DHX37: variants seen among roughly 807,000 people sequenced by gnomAD.
The protein encoded by DHX37 is DEAH-box helicase 37.
DHX37 carries 52 observed loss-of-function variants against 134.3 expected under a neutral mutation model. The ratio of observed to expected loss-of-function variants is 0.39; its 90% CI spans 0.31 to 0.49. The LOEUF is 0.49. DHX37 is among the 20% of genes least tolerant of loss of function. The probability of loss-of-function intolerance (pLI) is 0.93; values close to 1 mark genes in which losing one functional copy is unlikely to be tolerated. For missense variants in DHX37, 1,344 were observed against 1,580.8 expected (o/e 0.85, Z 2.54); for synonymous variants, 634 against 670.7 (o/e 0.95, Z 0.85).
chr12:124,980,951 C>G lies in DHX37; in HGVS notation c.390-113G>C, dbSNP rs1013115535. On this transcript the variant is annotated intron_variant, in intron 3 of 26. Coordinates refer to ENST00000308736, the MANE Select transcript of DHX37 (RefSeq NM_032656.4). The surrounding 1 kb of genome is among the most constrained non-coding windows in gnomAD (Gnocchi z 5.3). ...GGGACTTTGCACCTGCTGTTCCACT[C>G]CCTGAAATGCCCTTCCTGCAGATAC... 2.6e-6 allele frequency: 3 copies of G among 1,151,662 alleles called. No homozygotes were observed. In the African/African-American group the frequency reaches 4.7e-5, roughly 18 times the overall value. The allele number at this position is 1,151,662 out of a possible 1,614,324, so 71.3% of individuals were successfully genotyped here.
At chr12:124,953,702 A>T in intron 20 of DHX37, 178 bp downstream of exon 20, 1 of 1,125,068 alleles carries the variant, frequency 8.9e-7, no homozygotes, top group Non-Finnish European at 1.2e-6. Context: ...TGCCCTGCTC[A>T]TGTGCACATT....
At chr12:124,963,174 G>A (rs1041467487) in intron 15 of DHX37, among the ~76,000 whole-genome samples, 36 of 152,230 alleles carry the variant, frequency 2.4e-4, no homozygotes, top group Non-Finnish European at 1.0e-4. Flanking sequence ...GCCACGGCCA[G>A]GAACGGGGTG....
chr12:124,971,099 G>A (rs1412676759), intron 8 of DHX37, among the ~76,000 whole-genome samples: 1 of 152,226 alleles, frequency 6.6e-6, no homozygotes, highest in Non-Finnish European at 1.5e-5. Context: ...GCGGTGGGGA[G>A]GGGATCACAC....
intron 1 of DHX37, 129 bp downstream of exon 1, chr12:124,988,788 G>C (rs1362184787): frequency 2.2e-6 from 1 of 454,856 alleles, no homozygotes. Context: ...CTGGAATGGG[G>C]GGACCCATTC....
rs1170858235 is a variant in DHX37 at position 124,982,512 on chromosome 12, C to G, written c.388G>C (p.Glu130Gln). ...GTGNRMYHTK[E>Q]KADEVVAPGQ... ...TTAGCAAAGGACTGGCCAACTCACTCTTTGGTGTGATACATGCGGTTCCCA... is the reference window on the plus strand; with the variant it reads ...TTAGCAAAGGACTGGCCAACTCACTGTTTGGTGTGATACATGCGGTTCCCA... Residue 130 changes from glutamate to glutamine, a missense_variant and splice_region_variant, in exon 3 of 27, where the codon GAG (glutamate) becomes CAG (glutamine). This residue lies in a region of DHX37 where 319 missense variants were observed against 296.1 expected (regional missense o/e 1.08). Coordinates refer to ENST00000308736, the MANE Select transcript of DHX37 (RefSeq NM_032656.4). 3 of 1,613,420 alleles carry G rather than the reference C, an allele frequency of 1.9e-6. No individual in the cohort carries two copies. The highest frequency in any genetic ancestry group is 1.7e-6 in the Non-Finnish European group (2 of 1,179,622).
chr12:124,965,284 T>C (rs1419486464), intron 13 of DHX37, among the ~76,000 whole-genome samples: 1 of 152,180 alleles, frequency 6.6e-6, no homozygotes, highest in Non-Finnish European at 1.5e-5. Flanking sequence ...GGAGCCTGAC[T>C]CCACTCCTCG....
chr12:124,962,765 A>T (rs1222778921), intron 15 of DHX37, among the ~76,000 whole-genome samples: 1 of 152,110 alleles, frequency 6.6e-6, no homozygotes, highest in Non-Finnish European at 1.5e-5. Context: ...TGAACCCAGG[A>T]GGCAGAGGTT....
At chr12:124,962,235 T>C (rs1363384718) in intron 15 of DHX37, among the ~76,000 whole-genome samples, 1 of 151,996 alleles carries the variant, frequency 6.6e-6, no homozygotes, top group Non-Finnish European at 1.5e-5. Context: ...AAAACAAAAA[T>C]ATTAAAAATA....
In DHX37 at chr12:124,963,842, G is replaced by C. The variant is rs7955273; in HGVS notation, c.2045+552C>G. On this transcript the variant is annotated intron_variant, in intron 15 of 26. Transcript: ENST00000308736. ...TTCCAGTGAGCCAAGATCACGCCAC[G>C]GCACTCCAGCCTGGGCGACAGAGTG... Among the ~76,000 whole-genome samples, 679 of 143,938 alleles carry C rather than the reference G, an allele frequency of 4.7e-3. 10 individuals are homozygous for C. The highest frequency in any genetic ancestry group is 0.016 in the African/African-American group (633 of 38,552). 94.4% of individuals were successfully genotyped at this position (143,938 alleles called of 152,430 possible). A position where few individuals can be genotyped will look rare whatever the true frequency, so the allele number is the denominator to read the frequency against.
At chr12:124,973,842 CAT>C (rs1292436596) in intron 6 of DHX37, among the ~76,000 whole-genome samples, 1 of 152,072 alleles carries the variant, frequency 6.6e-6, no homozygotes, top group Non-Finnish European at 1.5e-5. Context: ...GGGTTTTCTT[CAT>C]GTTTGTCAGG....
In DHX37 at chr12:124,968,999, C is replaced by A. The variant is rs551020591; in HGVS notation, c.1192-31G>T. ...AAAGGACAGGCTCAGTGACCGTGGC[C>A]CCAGGACCGCAGGTGGGTCTGAAGC... On this transcript the variant is annotated intron_variant, in intron 8 of 26. Transcript: ENST00000308736. 36 of 1,602,148 alleles carry A rather than the reference C, an allele frequency of 2.2e-5. 1 individual carries two copies. In the South Asian group the frequency reaches 3.4e-4, roughly 15 times the overall value.
intron 15 of DHX37, among the ~76,000 whole-genome samples, chr12:124,961,239 T>C (rs368674450): frequency 8.7e-5 from 8 of 91,526 alleles, no homozygotes; most frequent in East Asian, 7.7e-4. Context: ...CACACACACA[T>C]ACACGCGTGC....
intron 18 of DHX37, among the ~76,000 whole-genome samples, chr12:124,955,407 G>GT (rs1404495111): frequency 2.6e-5 from 4 of 152,234 alleles, no homozygotes; most frequent in Admixed American, 6.5e-5. Context: ...TTTCTCCAGA[G>GT]AACCCTATTA....
chr12:124,956,877 A>G lies in DHX37; in HGVS notation c.2267T>C (p.Val756Ala). The G allele has an allele frequency of 1.3e-6, 2 of 1,585,288 alleles. No homozygotes were observed. Among genetic ancestry groups the G allele is most frequent in the South Asian group, 2.3e-5 (2 of 88,684 alleles). ...CAGCCGGTTCTCCTGCAGTTGCTTC[A>G]CCCTGGAGATGGAGGTGGTGGTGGC... ...ALQPPQKAER[V>A]KQLQENRLSC... Residue 756 changes from valine (V) to alanine (A), a missense_variant and splice_region_variant, in exon 18 of 27, where the codon GTG (valine) becomes GCG (alanine). By Grantham distance (64) the Val-to-Ala change is moderately conservative. Transcript: ENST00000308736.
chr12:124,962,001 G>A (rs1023716675), intron 15 of DHX37, among the ~76,000 whole-genome samples: 1 of 152,090 alleles, frequency 6.6e-6, no homozygotes, highest in African/African-American at 2.4e-5. Context: ...CAGGACCAGG[G>A]CAGGGCTGTG....
intron 16 of DHX37, among the ~76,000 whole-genome samples, chr12:124,959,849 C>G (rs187747591): frequency 3.9e-5 from 6 of 152,342 alleles, no homozygotes; most frequent in Admixed American, 2.0e-4. Context: ...ACTTCCCTGC[C>G]TCCGTTTCCT....
At chr12:124,954,649 C>T (rs73229554) in intron 18 of DHX37, among the ~76,000 whole-genome samples, 40,268 of 151,962 alleles carry the variant, frequency 0.26, 7,084 homozygotes, top group African/African-American at 0.51. Context: ...CCGCCCGTCT[C>T]GGCCTCCCAA....
chr12:124,949,875 C>T lies in DHX37; in HGVS notation c.3290+111G>A. ...AGCCTTCAGACCTGAGCACAGACTT[C>T]TGATGTTTTAAGCCTCCCTGTGTGT... On this transcript the variant is annotated intron_variant, in intron 25 of 26. Transcript: ENST00000308736. The surrounding 1 kb of genome is among the most constrained non-coding windows in gnomAD (Gnocchi z 4.0). 1.6e-6 allele frequency: 2 copies of T among 1,219,700 alleles called. No homozygotes were observed. Among genetic ancestry groups the T allele is most frequent in the Non-Finnish European group, 2.3e-6 (2 of 868,230 alleles). The allele number at this position is 1,219,700 out of a possible 1,614,324, so 75.6% of individuals were successfully genotyped here.
intron 1 of DHX37, among the ~76,000 whole-genome samples, chr12:124,986,918 T>G (rs1219126848): frequency 1.3e-5 from 2 of 151,874 alleles, no homozygotes; most frequent in Non-Finnish European, 2.9e-5. Context: ...AGCTAATTTT[T>G]GTATTTTTAG....
Sources: allele counts gnomAD v4.1 joint callset (sites outside exome capture counted in the v4.1 genomes callset), GRCh38; gene constraint gnomAD v4.1.1; regional missense constraint gnomAD v4.1.1; non-coding constraint Gnocchi (gnomAD v3.1); transcripts MANE v1.5; gene names NCBI Gene and HGNC (gene_info 2026-07-23, HGNC 2026-07-21).